SDK2: variants seen among roughly 807,000 people sequenced by gnomAD.
SDK2 encodes the protein protein sidekick-2.
A neutral mutation model predicts 253.9 loss-of-function variants in SDK2; 105 were observed. The ratio of observed to expected loss-of-function variants is 0.41; its 90% CI spans 0.35 to 0.49. The LOEUF (loss-of-function observed/expected upper bound fraction) is 0.49. SDK2 is among the 20% of genes least tolerant of loss of function. The pLI, the probability that SDK2 is intolerant of heterozygous loss-of-function variation, is 0.06. For synonymous variants in SDK2, 1,249 were observed against 1,234.9 expected (o/e 1.01, Z -0.24); for missense variants, 2,608 against 3,003.0 (o/e 0.87, Z 3.07).
At chr17:73,622,668 C>T (rs1056047402) in intron 1 of SDK2, among the ~76,000 whole-genome samples, 6 of 152,142 alleles carry the variant, frequency 3.9e-5, no homozygotes, top group Admixed American at 6.5e-5. Flanking sequence ...TCTTTCTTCC[C>T]GTGCCTCACC....
intron 3 of SDK2, among the ~76,000 whole-genome samples, chr17:73,457,484 G>A (rs1599584869): frequency 1.3e-5 from 2 of 151,384 alleles, no homozygotes; most frequent in African/African-American, 4.9e-5. Context: ...CTGAGTAGCT[G>A]GGATTACAGG....
At position 73,379,554 on chromosome 17, in the gene SDK2, G is replaced by T. The variant is rs183962646; in HGVS notation, c.4763-5C>A. On this transcript the variant is annotated splice_region_variant and splice_polypyrimidine_tract_variant and intron_variant, in intron 34 of 44. Coordinates refer to ENST00000392650, the MANE Select transcript of SDK2 (RefSeq NM_001144952.2). The surrounding 1 kb of genome is among the most constrained non-coding windows in gnomAD (Gnocchi z 4.5). Reference sequence around the variant, plus strand: ...ACCGCCTGTGCTTGTTCAGGTCTGTGGGGGAGAGTGGGGGAGGGGAAGCAC... The same window carrying T: ...ACCGCCTGTGCTTGTTCAGGTCTGTTGGGGAGAGTGGGGGAGGGGAAGCAC... 214 of 1,559,016 alleles carry T rather than the reference G, an allele frequency of 1.4e-4. No individual in the cohort carries two copies. The African/African-American group carries it at 2.6e-3, about 19-fold the overall frequency.
At chr17:73,478,294 T>C (rs1308725954) in intron 2 of SDK2, among the ~76,000 whole-genome samples, 2 of 152,208 alleles carry the variant, frequency 1.3e-5, no homozygotes, top group South Asian at 4.1e-4. Context: ...GCATGGAGCT[T>C]CCTCGGGCTT....
intron 44 of SDK2, among the ~76,000 whole-genome samples, chr17:73,346,923 CAGG>C (rs983793697): frequency 2.3e-4 from 35 of 152,348 alleles, no homozygotes; most frequent in African/African-American, 8.2e-4. Context: ...CTGTCACAGG[CAGG>C]AGAACTACCA....
chr17:73,601,618 T>G (rs1462428345), intron 1 of SDK2, among the ~76,000 whole-genome samples: 2 of 152,090 alleles, frequency 1.3e-5, no homozygotes, highest in African/African-American at 4.8e-5. Context: ...GGCTAAGGCA[T>G]GTGGAGAATC....
intron 3 of SDK2, 105 bp from the exon 4 acceptor site, chr17:73,456,158 A>G (rs2063524833): frequency 7.8e-7 from 1 of 1,282,444 alleles, no homozygotes; most frequent in Non-Finnish European, 1.0e-6. Context: ...AATTCGGGGC[A>G]GACAGGATGA....
intron 30 of SDK2, among the ~76,000 whole-genome samples, chr17:73,387,483 G>A (rs1280971725): frequency 1.3e-5 from 2 of 152,128 alleles, no homozygotes; most frequent in East Asian, 1.9e-4. Context: ...CTAGAATTTC[G>A]GAGTGACGCT....
chr17:73,523,906 C>T (rs1305755013), intron 1 of SDK2, among the ~76,000 whole-genome samples: 1 of 152,188 alleles, frequency 6.6e-6, no homozygotes, highest in African/African-American at 2.4e-5. Flanking sequence ...CTTCTGAGAG[C>T]CTTACTGGAC....
Position 73,467,903 on chromosome 17 carries a change from G to A in SDK2, c.331+4209C>T, listed in dbSNP as rs1236861603. Among the ~76,000 whole-genome samples, 3 of 152,294 alleles carry A rather than the reference G, an allele frequency of 2.0e-5. No individual in the cohort carries two copies. The highest frequency in any genetic ancestry group is 4.8e-5 in the African/African-American group (2 of 41,572). On this transcript the variant is annotated intron_variant, in intron 3 of 44. Coordinates refer to ENST00000392650, the MANE Select transcript of SDK2 (RefSeq NM_001144952.2). The surrounding 1 kb of genome is among the most constrained non-coding windows in gnomAD (Gnocchi z 4.1). ...GAGCTGCAGCTGGTGGACAGGGGGA[G>A]GTTAACCTGGGTCTCTCTCTCTGCT...
Position 73,401,767 on chromosome 17 carries a change from G to A in SDK2, c.2681-15C>T. On this transcript the variant is annotated splice_polypyrimidine_tract_variant and intron_variant, in intron 19 of 44. Transcript: ENST00000392650. ...GGGCCCAGGCACTGCACCCCAAAAG[G>A]AACCCCCACCCCCCAAGGCCAGTTA... 1 of 1,561,398 alleles carries A rather than the reference G, an allele frequency of 6.4e-7. No individual in the cohort carries two copies. The highest frequency in any genetic ancestry group is 1.9e-5 in the Admixed American group (1 of 52,778).
intron 1 of SDK2, among the ~76,000 whole-genome samples, chr17:73,589,452 C>T (rs189622406): frequency 1.1e-4 from 17 of 152,240 alleles, no homozygotes; most frequent in African/African-American, 2.7e-4. Flanking sequence ...AGGCAAGGGA[C>T]GTGGCCTTGG....
intron 15 of SDK2, among the ~76,000 whole-genome samples, chr17:73,420,146 G>A (rs1206182588): frequency 3.9e-5 from 6 of 152,208 alleles, no homozygotes; most frequent in African/African-American, 2.4e-5. Context: ...ACCCTGCCTC[G>A]GGGAGCCAAG....
rs141078028 is a variant in SDK2 at position 73,590,917 on chromosome 17, A to G, written c.64+53108T>C. On this transcript the variant is annotated intron_variant, in intron 1 of 44. Coordinates refer to ENST00000392650, the MANE Select transcript of SDK2 (RefSeq NM_001144952.2). Reference sequence around the variant, plus strand: ...CTGTCATTGAACTATTTATTTGTTTATGTTTATTTATTTATTTTTGGGACA... The same window carrying G: ...CTGTCATTGAACTATTTATTTGTTTGTGTTTATTTATTTATTTTTGGGACA... Among the ~76,000 whole-genome samples, 564 of 152,140 alleles carry G rather than the reference A, an allele frequency of 3.7e-3. 2 individuals carry two copies. Among genetic ancestry groups the G allele is most frequent in the African/African-American group, 0.013 (544 of 41,502 alleles).
intron 20 of SDK2, 122 bp from the exon 21 acceptor site, chr17:73,401,333 C>A: frequency 1.1e-6 from 1 of 939,344 alleles, no homozygotes; most frequent in Non-Finnish European, 1.6e-6. Flanking sequence ...GCAATGGGGC[C>A]AAGGGAGGTG....
Position 73,454,311 on chromosome 17 carries a change from C to T in SDK2, c.479+1595G>A, listed in dbSNP as rs1401550690. Among the ~76,000 whole-genome samples the T allele has an allele frequency of 5.9e-5, 9 of 152,226 alleles. No homozygotes were observed. In the South Asian group the frequency reaches 6.2e-4, roughly 11 times the overall value. On this transcript the variant is annotated intron_variant, in intron 4 of 44. Transcript: ENST00000392650. ...TTCCCCACAAACACTATCTTTTCATCGAGTCTGTGAACCTGTTTTCAGGCA... is the reference window on the plus strand; with the variant it reads ...TTCCCCACAAACACTATCTTTTCATTGAGTCTGTGAACCTGTTTTCAGGCA...
intron 2 of SDK2, among the ~76,000 whole-genome samples, chr17:73,483,279 G>A (rs2063738302): frequency 6.6e-6 from 1 of 150,592 alleles, no homozygotes; most frequent in African/African-American, 2.4e-5. Context: ...GCGACCCGCG[G>A]ACAACTCTGC....
chr17:73,487,740 C>T (rs1488607703), intron 2 of SDK2, among the ~76,000 whole-genome samples: 2 of 152,218 alleles, frequency 1.3e-5, no homozygotes, highest in Non-Finnish European at 2.9e-5. Context: ...AGAATCAAGG[C>T]TTCAAATGGG....
intron 2 of SDK2, among the ~76,000 whole-genome samples, chr17:73,482,487 A>G (rs1000371995): frequency 6.6e-6 from 1 of 152,186 alleles, no homozygotes; most frequent in Non-Finnish European, 1.5e-5. Flanking sequence ...CTTTGCCAGA[A>G]AAGCCCGTGA....
intron 1 of SDK2, among the ~76,000 whole-genome samples, chr17:73,578,060 CTTT>C (rs34300652): frequency 0.018 from 2,551 of 138,986 alleles, 77 homozygotes; most frequent in African/African-American, 0.057. Context: ...CTATGGACAT[CTTT>C]TTTTTTTTTT....
Sources: gnomAD v4.1 joint callset for allele counts (sites outside exome capture counted in the v4.1 genomes callset) on GRCh38, gnomAD v4.1.1 for gene constraint, Gnocchi (gnomAD v3.1) non-coding constraint, MANE v1.5 for transcripts, NCBI Gene and HGNC (gene_info 2026-07-23, HGNC 2026-07-21) for gene names.